The following ANKRD6 variants were observed in gnomAD, a reference collection of about 807,000 sequenced individuals.
The protein encoded by ANKRD6 is ankyrin repeat domain 6.
A neutral mutation model predicts 82.3 loss-of-function variants in ANKRD6; 56 were observed. That is an observed-to-expected ratio of 0.68 (90% CI 0.55 to 0.85). The LOEUF is 0.85. ANKRD6 is among the 40% of genes least tolerant of loss of function. The probability of loss-of-function intolerance (pLI) is 0.00; values close to 1 mark genes in which losing one functional copy is unlikely to be tolerated. For synonymous variants in ANKRD6, 347 were observed against 352.1 expected (o/e 0.99, Z 0.16); for missense variants, 852 against 907.6 (o/e 0.94, Z 0.79).
chr6:89,501,666 A>T (rs1462584876), intron 1 of ANKRD6, among the ~76,000 whole-genome samples: 1 of 152,232 alleles, frequency 6.6e-6, no homozygotes, highest in Non-Finnish European at 1.5e-5. Context: ...CTTATTTCAG[A>T]TACCTGGGGA....
intron 1 of ANKRD6, among the ~76,000 whole-genome samples, chr6:89,515,172 T>C (rs778551171): frequency 3.9e-5 from 6 of 152,218 alleles, no homozygotes; most frequent in Non-Finnish European, 8.8e-5. Flanking sequence ...GGCATCAGTC[T>C]TTATGAAGCT....
chr6:89,539,241 C>G (rs1784195470), intron 1 of ANKRD6, among the ~76,000 whole-genome samples: 2 of 151,978 alleles, frequency 1.3e-5, no homozygotes, highest in Non-Finnish European at 2.9e-5. Context: ...ATTATTATAT[C>G]TTGGAGTTAA....
At chr6:89,506,890 A>C (rs1393820768) in intron 1 of ANKRD6, among the ~76,000 whole-genome samples, 1 of 152,184 alleles carries the variant, frequency 6.6e-6, no homozygotes, top group African/African-American at 2.4e-5. Flanking sequence ...GCCAATCCCT[A>C]GTCTGCCTCA....
chr6:89,449,048 A>G (rs946874465), intron 1 of ANKRD6, among the ~76,000 whole-genome samples: 4 of 151,992 alleles, frequency 2.6e-5, no homozygotes, highest in African/African-American at 4.8e-5. Context: ...AAAAAAAAAA[A>G]AAAGAAATAC....
chr6:89,474,956 T>G (rs1775877434), intron 1 of ANKRD6, among the ~76,000 whole-genome samples: 2 of 152,190 alleles, frequency 1.3e-5, no homozygotes, highest in Admixed American at 1.3e-4. Flanking sequence ...TGATTTCACT[T>G]TGATTTGAAA....
At chr6:89,579,614 G>T (rs549403255) in intron 2 of ANKRD6, among the ~76,000 whole-genome samples, 11 of 151,850 alleles carry the variant, frequency 7.2e-5, no homozygotes, top group Admixed American at 6.6e-4. Context: ...AAAATTAGTC[G>T]GGTGTGGTGG....
At chr6:89,537,112 C>T (rs1208842013) in intron 1 of ANKRD6, among the ~76,000 whole-genome samples, 3 of 151,786 alleles carry the variant, frequency 2.0e-5, no homozygotes, top group East Asian at 1.9e-4. Context: ...AGGATGACAC[C>T]GAACTGGGAA....
intron 2 of ANKRD6, among the ~76,000 whole-genome samples, chr6:89,578,750 C>T (rs1218030871): frequency 6.6e-6 from 1 of 152,194 alleles, no homozygotes; most frequent in Admixed American, 6.5e-5. Flanking sequence ...GAAATCCTTA[C>T]CACAGCTCTG....
chr6:89,547,288 G>T (rs1353247280), intron 1 of ANKRD6, among the ~76,000 whole-genome samples: 1 of 152,208 alleles, frequency 6.6e-6, no homozygotes, highest in East Asian at 1.9e-4. Context: ...TTAGAGGTGG[G>T]AAACCACTGT....
chr6:89,448,150 G>A (rs73508310), intron 1 of ANKRD6, among the ~76,000 whole-genome samples: 2,065 of 152,090 alleles, frequency 0.014, 25 homozygotes, highest in African/African-American at 0.038. Context: ...ATTATGATAC[G>A]TTGGCCAGGT....
chr6:89,491,046 T>G (rs1562625608), intron 1 of ANKRD6, among the ~76,000 whole-genome samples: 1 of 152,076 alleles, frequency 6.6e-6, no homozygotes, highest in African/African-American at 2.4e-5. Context: ...ACTGAAATAA[T>G]GAGGCCACAA....
At chr6:89,439,741 C>T (rs917083846) in intron 1 of ANKRD6, among the ~76,000 whole-genome samples, 18 of 152,134 alleles carry the variant, frequency 1.2e-4, no homozygotes, top group Non-Finnish European at 7.4e-5. Flanking sequence ...TTCTGTCACC[C>T]AGGCTGGAGT....
intron 1 of ANKRD6, among the ~76,000 whole-genome samples, chr6:89,459,135 A>G (rs144747436): frequency 2.0e-4 from 30 of 152,182 alleles, no homozygotes; most frequent in African/African-American, 7.0e-4. Flanking sequence ...CTGGAGTGCA[A>G]TGATGTGATC....
At chr6:89,530,993 A>C (rs1453793052) in intron 1 of ANKRD6, among the ~76,000 whole-genome samples, 3 of 152,252 alleles carry the variant, frequency 2.0e-5, no homozygotes, top group Non-Finnish European at 4.4e-5. Flanking sequence ...ACACATACGC[A>C]TAAAGTGTAA....
At position 89,535,337 on chromosome 6, in the gene ANKRD6, G is replaced by A. The variant is rs192641382; in HGVS notation, c.-143-31497G>A. 2.7e-3 allele frequency among the ~76,000 whole-genome samples: 410 copies of A among 151,426 alleles called. 1 individual carries two copies. The highest frequency in any genetic ancestry group is 0.011 in the South Asian group (54 of 4,726). The stretch of plus-strand genomic sequence containing the variant: ...TTCCAAGAATTAGCCATCCTGGGGG[G>A]AAAAATATATATTTGGTTTGAAACT... On this transcript the variant is annotated intron_variant, in intron 1 of 15. Coordinates refer to ENST00000339746, the MANE Select transcript of ANKRD6 (RefSeq NM_001242809.2).
At chr6:89,597,130 T>C (rs1402921751) in intron 3 of ANKRD6, among the ~76,000 whole-genome samples, 1 of 152,266 alleles carries the variant, frequency 6.6e-6, no homozygotes, top group East Asian at 1.9e-4. Flanking sequence ...GACTGTTTTA[T>C]GCATGGGCAG....
intron 14 of ANKRD6, chr6:89,628,719 G>A (rs1806542961): frequency 4.2e-6 from 1 of 239,358 alleles, no homozygotes; most frequent in East Asian, 1.1e-4. Flanking sequence ...GCAGTGAGCC[G>A]ACATCGTGCC....
intron 1 of ANKRD6, among the ~76,000 whole-genome samples, chr6:89,558,433 C>G (rs1007606272): frequency 7.9e-5 from 12 of 152,186 alleles, no homozygotes; most frequent in African/African-American, 2.9e-4. Flanking sequence ...CAAGGAGGAA[C>G]CTTAAATGCA....
chr6:89,605,064 C>G (rs1798187740), intron 4 of ANKRD6, among the ~76,000 whole-genome samples: 1 of 150,764 alleles, frequency 6.6e-6, no homozygotes, highest in East Asian at 2.0e-4. Flanking sequence ...CAAATACGAG[C>G]TATGTTCATT....
Sources: gnomAD v4.1 joint callset for allele counts (sites outside exome capture counted in the v4.1 genomes callset) on GRCh38, gnomAD v4.1.1 for gene constraint, MANE v1.5 for transcripts, NCBI Gene and HGNC (gene_info 2026-07-23, HGNC 2026-07-21) for gene names.